The following ANKS1A variants were observed in gnomAD, a reference collection of about 807,000 sequenced individuals.
ANKS1A encodes the protein ankyrin repeat and SAM domain-containing protein 1A.
ANKS1A carries 55 observed loss-of-function variants against 120.3 expected under a neutral mutation model. The observed-to-expected ratio is 0.46, with a 90% CI of 0.37 to 0.57. ANKS1A has a LOEUF of 0.57. Among genes scored for constraint, ANKS1A ranks in the 20% least tolerant of loss-of-function variants. The pLI is 0.00. For synonymous variants in ANKS1A, 590 were observed against 604.7 expected, an observed-to-expected ratio of 0.98 and a Z score of 0.36; for missense variants, 1,123 against 1,480.3, an observed-to-expected ratio of 0.76 and a Z score of 3.96.
In ANKS1A at chr6:35,050,483, C is replaced by A. The variant is rs906841190; in HGVS notation, c.2011-3616C>A. Among the ~76,000 whole-genome samples, 1 of 152,086 alleles carries A rather than the reference C, an allele frequency of 6.6e-6. No homozygotes were observed. The highest frequency in any genetic ancestry group is 2.4e-5 in the African/African-American group (1 of 41,434). On this transcript the variant is annotated intron_variant, in intron 11 of 23. Transcript: ENST00000360359. The surrounding 1 kb of genome is among the most constrained non-coding windows in gnomAD (Gnocchi z 4.3). Reference sequence around the variant, plus strand: ...CCTGCCTCTTCCCCTGAAATGCAGACCATTTCTGGGAAAGCTGCCTGTTCA... The same window carrying A: ...CCTGCCTCTTCCCCTGAAATGCAGAACATTTCTGGGAAAGCTGCCTGTTCA...
chr6:35,055,353 G>A (rs2762345), intron 12 of ANKS1A, among the ~76,000 whole-genome samples: 54,852 of 150,990 alleles, frequency 0.36, 12,282 homozygotes, highest in Middle Eastern at 0.51. Flanking sequence ...TTTTTGAGAC[G>A]GAGTCTCACT....
At position 35,086,371 on chromosome 6, in the gene ANKS1A, CT is replaced by C. The variant is rs1485292598; in HGVS notation, c.3303+438del. 7.7e-7 allele frequency: 1 copy of C among 1,295,384 alleles called. No individual in the cohort carries two copies. 80.2% of individuals were successfully genotyped at this position (1,295,384 alleles called of 1,614,324 possible). On this transcript the variant is annotated intron_variant, in intron 22 of 23. Coordinates refer to ENST00000360359, the MANE Select transcript of ANKS1A (RefSeq NM_015245.3). This position sits in a 1 kb window ranked among gnomAD's most constrained non-coding sequence, Gnocchi z 5.1. ...CATCTGTTAGTCCTGGAGTCAAGGTCTTTACGCCTCCTGCTGTCTTGTGTGT... is the reference window on the plus strand; with the variant it reads ...CATCTGTTAGTCCTGGAGTCAAGGTCTTACGCCTCCTGCTGTCTTGTGTGT...
chr6:35,031,900 C>T (rs189450933), intron 11 of ANKS1A, among the ~76,000 whole-genome samples: 11 of 152,244 alleles, frequency 7.2e-5, no homozygotes, highest in African/African-American at 2.6e-4. Flanking sequence ...ACTGTTTTCC[C>T]CTACACGTTG....
intron 3 of ANKS1A, among the ~76,000 whole-genome samples, chr6:34,980,441 A>G (rs1295852801): frequency 6.6e-6 from 1 of 152,240 alleles, no homozygotes; most frequent in Non-Finnish European, 1.5e-5. Context: ...GTTGGAAAAA[A>G]TGATGCAGTC....
chr6:35,030,758 A>G (rs113347379), intron 11 of ANKS1A, among the ~76,000 whole-genome samples: 192 of 152,292 alleles, frequency 1.3e-3, no homozygotes, highest in Middle Eastern at 6.8e-3. Flanking sequence ...CCTCCATAAT[A>G]GTTGTTCAGA....
chr6:35,077,546 C>T (rs1777434734), intron 13 of ANKS1A, among the ~76,000 whole-genome samples: 1 of 152,206 alleles, frequency 6.6e-6, no homozygotes, highest in African/African-American at 2.4e-5. Context: ...GCTGCAACTG[C>T]GAGGGCCTCC....
intron 1 of ANKS1A, among the ~76,000 whole-genome samples, chr6:34,928,369 C>T (rs1193701495): frequency 6.6e-6 from 1 of 152,170 alleles, no homozygotes; most frequent in East Asian, 1.9e-4. Flanking sequence ...CTGTCAGGAG[C>T]ACTCTGTCAC....
intron 13 of ANKS1A, among the ~76,000 whole-genome samples, chr6:35,077,009 T>C (rs1271786245): frequency 2.6e-5 from 4 of 152,086 alleles, no homozygotes; most frequent in African/African-American, 9.7e-5. Flanking sequence ...GCTAGATAGA[T>C]AAAACGTGGA....
chr6:34,892,329 T>C (rs1766863686), intron 1 of ANKS1A, among the ~76,000 whole-genome samples: 1 of 152,174 alleles, frequency 6.6e-6, no homozygotes, highest in East Asian at 1.9e-4. Context: ...CCTTTTTAGA[T>C]GTGGACATAG....
chr6:35,068,984 G>A (rs1048718177), intron 13 of ANKS1A, among the ~76,000 whole-genome samples: 4 of 152,302 alleles, frequency 2.6e-5, no homozygotes, highest in Non-Finnish European at 5.9e-5. Context: ...ATGCAAGAGA[G>A]GGCTGACGTC....
Position 35,079,876 on chromosome 6 carries a change from A to G in ANKS1A, c.2492A>G (p.Asp831Gly), listed in dbSNP as rs1420628333. ...HRKRIIASLADRPYEEPPQKP... is the reference protein window; with the variant it reads ...HRKRIIASLAGRPYEEPPQKP... ...AAGCGCATCATCGCCTCCCTCGCAG[A>G]CAGACCGTACGAGGAGCCGCCCCAG... The change falls in exon 16 of 24, where the codon GAC becomes GGC. Residue 831 changes from aspartate (D) to glycine (G), a missense_variant. Transcript: ENST00000360359. 6.4e-7 allele frequency: 1 copy of G among 1,565,664 alleles called. No homozygotes were observed. The highest frequency in any genetic ancestry group is 1.9e-5 in the Admixed American group (1 of 52,480).
intron 11 of ANKS1A, among the ~76,000 whole-genome samples, chr6:35,033,350 A>G (rs751323988): frequency 2.6e-5 from 4 of 152,246 alleles, no homozygotes; most frequent in Non-Finnish European, 5.9e-5. Context: ...ATGTGCTTAC[A>G]GCCATTACGG....
chr6:34,988,106 T>G (rs973848492), intron 8 of ANKS1A, among the ~76,000 whole-genome samples: 10 of 152,266 alleles, frequency 6.6e-5, no homozygotes, highest in Admixed American at 2.0e-4. Flanking sequence ...TCAGTGACTT[T>G]CTTATTCTAG....
intron 11 of ANKS1A, 76 bp from the exon 12 acceptor site, chr6:35,054,023 A>G: frequency 8.1e-7 from 1 of 1,240,748 alleles, no homozygotes; most frequent in Admixed American, 1.7e-5. Context: ...GTCAGACCCC[A>G]CTGGCGCTGT....
At chr6:35,051,001 T>C (rs1189797165) in intron 11 of ANKS1A, among the ~76,000 whole-genome samples, 2 of 152,138 alleles carry the variant, frequency 1.3e-5, no homozygotes, top group African/African-American at 4.8e-5. Flanking sequence ...GAGCATCCAT[T>C]AGCATTTCCC....
intron 19 of ANKS1A, 73 bp downstream of exon 19, chr6:35,083,299 C>T (rs1777788190): frequency 1.9e-6 from 3 of 1,598,698 alleles, no homozygotes; most frequent in Non-Finnish European, 2.6e-6. Context: ...GCAGTAGCTG[C>T]AGTTGCCTGG....
intron 1 of ANKS1A, among the ~76,000 whole-genome samples, chr6:34,930,229 A>T (rs1768915937): frequency 6.6e-6 from 1 of 152,126 alleles, no homozygotes; most frequent in Non-Finnish European, 1.5e-5. Context: ...TTTAATATTG[A>T]CCTTTACACT....
At chr6:35,093,289 C>T (rs1381965086), downstream of ANKS1A, among the ~76,000 whole-genome samples, 1 of 151,966 alleles carries the variant, frequency 6.6e-6, no homozygotes, top group Non-Finnish European at 1.5e-5. Context: ...ATTGGGCAGC[C>T]AAGGAGGAGG....
intron 11 of ANKS1A, among the ~76,000 whole-genome samples, chr6:35,040,919 C>T (rs866509664): frequency 1.7e-4 from 26 of 152,204 alleles, no homozygotes; most frequent in African/African-American, 4.6e-4. Flanking sequence ...CCTCTTCCCT[C>T]GTATCCCAGA....
Sources: allele counts gnomAD v4.1 joint callset (sites outside exome capture counted in the v4.1 genomes callset), GRCh38; gene constraint gnomAD v4.1.1; non-coding constraint Gnocchi (gnomAD v3.1); transcripts MANE v1.5; gene names NCBI Gene and HGNC (gene_info 2026-07-23, HGNC 2026-07-21).